The following ANO1 variants were observed in gnomAD, a reference collection of about 807,000 sequenced individuals.
The protein encoded by ANO1 is anoctamin-1.
In ANO1, 59 loss-of-function variants were observed where a neutral mutation model predicts 124.0. The observed-to-expected ratio is 0.48, with a 90% CI of 0.39 to 0.59. ANO1 has a LOEUF of 0.59. Ranked by LOEUF, ANO1 falls within the 20% of genes least tolerant of loss-of-function variation. ANO1 has a pLI of 0.00. For missense variants in ANO1, 1,059 were observed against 1,328.0 expected (o/e 0.80, Z 3.15); for synonymous variants, 529 against 532.0 (o/e 0.99, Z 0.08).
chr11:69,995,093 G>GTTTTTTTTT (rs1278482378), intron 1 of ANO1, among the ~76,000 whole-genome samples: 3 of 21,642 alleles, frequency 1.4e-4, no homozygotes, highest in African/African-American at 2.7e-4. Context: ...TGCTGGCACT[G>GTTTTTTTTT]TTTTTTTTTT....
intron 11 of ANO1, among the ~76,000 whole-genome samples, chr11:70,136,842 A>G (rs2046972913): frequency 6.8e-6 from 1 of 147,784 alleles, no homozygotes; most frequent in Non-Finnish European, 1.5e-5. Context: ...CTTCGTGGAC[A>G]AAGGCGTTCG....
chr11:70,095,320 G>GGAAGGAAGGAAA (rs1565193488), intron 2 of ANO1, among the ~76,000 whole-genome samples: 1 of 112,910 alleles, frequency 8.9e-6, no homozygotes, highest in Non-Finnish European at 1.8e-5. Flanking sequence ...AAGAAAGAAA[G>GGAAGGAAGGAAA]GAAAGAAAGA....
At chr11:70,155,804 A>C (rs2047788660) in intron 14 of ANO1, 107 bp from the exon 15 acceptor site, 1 of 1,044,158 alleles carries the variant, frequency 9.6e-7, no homozygotes, top group African/African-American at 1.7e-5. Flanking sequence ...CCGCACCAGG[A>C]GGGGCCAGCC....
chr11:70,152,561 C>CGTGGAGGAACTGCGGGA, intron 13 of ANO1, 100 bp downstream of exon 13: 3 of 1,392,538 alleles, frequency 2.2e-6, no homozygotes, highest in Non-Finnish European at 3.0e-6. Flanking sequence ...GCAGTTCCCG[C>CGTGGAGGAACTGCGGGA]AGTTCCTCCA....
chr11:70,052,531 CTTTTTTTTTTTTTTTTTTTTTTTT>C (rs200770702), intron 1 of ANO1, among the ~76,000 whole-genome samples: 33,447 of 67,068 alleles, frequency 0.5, 5,365 homozygotes, highest in East Asian at 0.73. Context: ...TTTTTCTTTT[CTTTTTTTTTTTTTTTTTTTTTTTT>C]TTTTTTTTTT....
At chr11:70,035,577 T>G (rs183045956) in intron 1 of ANO1, among the ~76,000 whole-genome samples, 40 of 151,596 alleles carry the variant, frequency 2.6e-4, no homozygotes, top group African/African-American at 9.5e-4. Flanking sequence ...CGTGCAGGTT[T>G]GTTACATAGG....
chr11:70,072,074 C>T (rs1005882314), intron 1 of ANO1, among the ~76,000 whole-genome samples: 2 of 152,206 alleles, frequency 1.3e-5, no homozygotes, highest in African/African-American at 4.8e-5. Flanking sequence ...GGCCCAGTAA[C>T]GCACACCTTT....
intron 1 of ANO1, chr11:70,073,047 A>C (rs2044000457): frequency 1.3e-5 from 2 of 152,246 alleles, no homozygotes; most frequent in Non-Finnish European, 2.9e-5. Flanking sequence ...CGCCTCTGCG[A>C]GATGGAAGTT....
At chr11:70,026,471 ATGG>A (rs368427495) in intron 1 of ANO1, among the ~76,000 whole-genome samples, 13 of 150,276 alleles carry the variant, frequency 8.7e-5, no homozygotes, top group African/African-American at 3.2e-4. Flanking sequence ...GATGGTGAAG[ATGG>A]TGGTGGTGGT....
chr11:70,079,566 G>A (rs375965428), intron 1 of ANO1, among the ~76,000 whole-genome samples: 4 of 152,310 alleles, frequency 2.6e-5, no homozygotes, highest in South Asian at 4.1e-4. Context: ...GAAGAGGATA[G>A]GACAGGGCTG....
intron 5 of ANO1, 146 bp from the exon 6 acceptor site, chr11:70,108,207 A>G: frequency 1.4e-6 from 1 of 690,790 alleles, no homozygotes; most frequent in South Asian, 2.7e-5. Context: ...CCCTGAATAA[A>G]TGCCATTGTC....
chr11:70,090,728 A>G (rs981861469), intron 2 of ANO1, among the ~76,000 whole-genome samples: 2 of 152,210 alleles, frequency 1.3e-5, no homozygotes, highest in African/African-American at 2.4e-5. Context: ...ACATAAGGAC[A>G]TTGGTTACTG....
chr11:70,004,879 C>T (rs1554999838), intron 1 of ANO1, among the ~76,000 whole-genome samples: 1 of 152,050 alleles, frequency 6.6e-6, no homozygotes, highest in Non-Finnish European at 1.5e-5. Flanking sequence ...TTGGGAGTCC[C>T]AGGTGGGTGG....
In ANO1 at chr11:70,185,820, A is replaced by G. The variant is rs1010736466; in HGVS notation, c.2694+125A>G. On this transcript the variant is annotated intron_variant, in intron 25 of 25. Coordinates refer to ENST00000355303, the MANE Select transcript of ANO1 (RefSeq NM_018043.7). ...TTCAGAGACTCCTCCAGAGGCTTGG[A>G]GAACTTGCTCTGGGACACCCGAGGA... The G allele has an allele frequency of 9.4e-6, 10 of 1,068,900 alleles. No individual in the cohort carries two copies. In the African/African-American group the frequency reaches 1.6e-4, roughly 17 times the overall value. The allele number at this position is 1,068,900 out of a possible 1,614,324, so 66.2% of individuals were successfully genotyped here.
At chr11:70,000,954 T>G (rs1199934985) in intron 1 of ANO1, among the ~76,000 whole-genome samples, 3 of 151,652 alleles carry the variant, frequency 2.0e-5, no homozygotes, top group Non-Finnish European at 4.4e-5. Flanking sequence ...ATGGAGCAAC[T>G]GGAACCCTTG....
intron 2 of ANO1, among the ~76,000 whole-genome samples, chr11:70,099,637 G>C (rs2045177573): frequency 6.6e-6 from 1 of 152,140 alleles, no homozygotes; most frequent in Non-Finnish European, 1.5e-5. Context: ...TCCAGCCTCA[G>C]TGCCCTCCGT....
chr11:69,977,367 G>A, the ANO1 span, among the ~76,000 whole-genome samples: 3,811 of 152,338 alleles, frequency 0.025, 157 homozygotes, highest in African/African-American at 0.086. Context: ...GGTCACGAAT[G>A]GACAAGTCCC....
At chr11:70,116,005 T>C (rs969148168) in intron 7 of ANO1, among the ~76,000 whole-genome samples, 1 of 152,164 alleles carries the variant, frequency 6.6e-6, no homozygotes, top group Non-Finnish European at 1.5e-5. Context: ...ACTGATTAGA[T>C]GACAATGACC....
chr11:70,011,096 G>A (rs1458131970), intron 1 of ANO1, among the ~76,000 whole-genome samples: 50 of 152,216 alleles, frequency 3.3e-4, no homozygotes, highest in Admixed American at 3.3e-3. Context: ...GTACAGGAGG[G>A]CCTCCTGGAG....
Sources: allele counts gnomAD v4.1 joint callset (sites outside exome capture counted in the v4.1 genomes callset), GRCh38; gene constraint gnomAD v4.1.1; transcripts MANE v1.5; gene names NCBI Gene and HGNC (gene_info 2026-07-23, HGNC 2026-07-21).